The following OR9Q1 variants were observed in gnomAD, a reference collection of about 807,000 sequenced individuals.
OR9Q1 encodes olfactory receptor 9Q1.
For missense variants in OR9Q1, 374 were observed against 378.8 expected (o/e 0.99, Z 0.11); for synonymous variants, 153 against 148.6 (o/e 1.03, Z -0.22).
At chr11:58,115,629 T>C (rs1017054833) in intron 2 of OR9Q1, among the ~76,000 whole-genome samples, 2 of 152,136 alleles carry the variant, frequency 1.3e-5, no homozygotes, top group African/African-American at 4.8e-5. Flanking sequence ...TCCCACTATG[T>C]TGTTGCCAAG....
chr11:58,094,018 C>CA (rs1853708453), intron 2 of OR9Q1, among the ~76,000 whole-genome samples: 1 of 152,022 alleles, frequency 6.6e-6, no homozygotes, highest in African/African-American at 2.4e-5. Flanking sequence ...GCACTATTCA[C>CA]AAAAACAAAG....
intron 2 of OR9Q1, among the ~76,000 whole-genome samples, chr11:58,090,724 C>T (rs1311152658): frequency 6.6e-6 from 1 of 152,072 alleles, no homozygotes; most frequent in African/African-American, 2.4e-5. Context: ...ATGGTACCAG[C>T]TCCTTTTTGT....
intron 2 of OR9Q1, among the ~76,000 whole-genome samples, chr11:58,140,902 A>T (rs977943155): frequency 6.6e-6 from 1 of 152,190 alleles, no homozygotes; most frequent in Non-Finnish European, 1.5e-5. Flanking sequence ...CACGATACTG[A>T]TTCTTCTTAC....
Position 58,037,885 on chromosome 11 carries a change from AT to A in OR9Q1, c.-93+13789del, listed in dbSNP as rs1340580020. 1.3e-3 allele frequency among the ~76,000 whole-genome samples: 163 copies of A among 126,158 alleles called. 2 individuals carry two copies. The highest frequency in any genetic ancestry group is 4.4e-3 in the African/African-American group (144 of 32,602). The allele number at this position is 126,158 out of a possible 152,430, so 82.8% of individuals were successfully genotyped here. On this transcript the variant is annotated intron_variant, in intron 1 of 2. Transcript: ENST00000335397. ...AGGTGGCTGCCACCACGCCTGGCTA[AT>A]TTTTTTTGTTTTTTTTTTTTTTTTT...
chr11:58,036,222 C>CT lies in OR9Q1; in HGVS notation c.-93+12119dup, dbSNP rs555102805. On this transcript the variant is annotated intron_variant, in intron 1 of 2. Transcript: ENST00000335397. ...AAATATGTGTGTTCCGACTGCTTCA[C>CT]TGAGTAAACATTTTCCTGTCTCATG... is the stretch of plus-strand genomic sequence containing the variant. Among the ~76,000 whole-genome samples, 246 of 152,304 alleles carry CT rather than the reference C, an allele frequency of 1.6e-3. 2 individuals carry two copies. The highest frequency in any genetic ancestry group is 5.7e-3 in the African/African-American group (235 of 41,556).
chr11:58,093,298 G>A (rs974069338), intron 2 of OR9Q1, among the ~76,000 whole-genome samples: 71 of 152,000 alleles, frequency 4.7e-4, no homozygotes, highest in African/African-American at 1.7e-3. Context: ...GAATTTACAA[G>A]GGACTCAAAC....
At chr11:58,069,710 T>C (rs771033010) in intron 2 of OR9Q1, among the ~76,000 whole-genome samples, 51 of 151,596 alleles carry the variant, frequency 3.4e-4, no homozygotes, top group Admixed American at 1.2e-3. Context: ...CTTGTCTCTG[T>C]GAAAAACTAA....
intron 1 of OR9Q1, among the ~76,000 whole-genome samples, chr11:58,046,969 A>G (rs1251459604): frequency 1.3e-5 from 2 of 152,238 alleles, no homozygotes; most frequent in Non-Finnish European, 2.9e-5. Context: ...CTGCTTAAAA[A>G]AGCTCAGCAT....
At position 58,031,907 on chromosome 11, in the gene OR9Q1, G is replaced by A. The variant is rs190440902; in HGVS notation, c.-93+7803G>A. On this transcript the variant is annotated intron_variant, in intron 1 of 2. Coordinates refer to ENST00000335397, the MANE Select transcript of OR9Q1 (RefSeq NM_001005212.4). ...TCTCAACTTTTGGAAGGGACAGTGA[G>A]GAGGCAGGTGGGAACCCAGTTTCCT... is the stretch of plus-strand genomic sequence containing the variant. The A allele has an allele frequency of 1.3e-5, 21 of 1,574,036 alleles. No individual in the cohort carries two copies. In the Admixed American group the frequency reaches 2.9e-4, roughly 22 times the overall value.
intron 2 of OR9Q1, among the ~76,000 whole-genome samples, chr11:58,154,077 GAGAAGA>G (rs761983089): frequency 3.3e-5 from 5 of 151,346 alleles, no homozygotes; most frequent in South Asian, 2.1e-4. Context: ...GAGAGAGCGA[GAGAAGA>G]AGAAGAAGAA....
At chr11:58,173,758 A>G (rs1854578067) in intron 2 of OR9Q1, among the ~76,000 whole-genome samples, 1 of 152,208 alleles carries the variant, frequency 6.6e-6, no homozygotes, top group Admixed American at 6.5e-5. Context: ...CTGTGGACCC[A>G]CTGTTGCCAT....
At chr11:58,082,770 T>TAATAATAA (rs201952586) in intron 2 of OR9Q1, among the ~76,000 whole-genome samples, 1 of 95,988 alleles carries the variant, frequency 1.0e-5, no homozygotes, top group Non-Finnish European at 2.3e-5. Context: ...ATAATAATAA[T>TAATAATAA]AAAAAGTTAG....
At chr11:58,130,928 G>T (rs528380809) in intron 2 of OR9Q1, among the ~76,000 whole-genome samples, 184 of 152,128 alleles carry the variant, frequency 1.2e-3, no homozygotes, top group Middle Eastern at 6.8e-3. Flanking sequence ...TGTCTATAAA[G>T]GATGTAATTA....
At chr11:58,153,569 TC>T (rs1266754713) in intron 2 of OR9Q1, among the ~76,000 whole-genome samples, 20 of 150,758 alleles carry the variant, frequency 1.3e-4, no homozygotes, top group African/African-American at 4.9e-4. Context: ...TTTTTTTTTT[TC>T]CAAGAGAAAT....
intron 2 of OR9Q1, among the ~76,000 whole-genome samples, chr11:58,140,808 T>G (rs1461988709): frequency 1.3e-5 from 2 of 152,208 alleles, no homozygotes; most frequent in Non-Finnish European, 2.9e-5. Flanking sequence ...AAGTAGTTTT[T>G]TCCAATTCAG....
intron 1 of OR9Q1, among the ~76,000 whole-genome samples, chr11:58,028,275 G>A (rs967007707): frequency 6.6e-6 from 1 of 152,186 alleles, no homozygotes; most frequent in African/African-American, 2.4e-5. Flanking sequence ...CAGAGCAGGT[G>A]CCCTCTGCAT....
intron 2 of OR9Q1, among the ~76,000 whole-genome samples, chr11:58,097,676 G>A (rs1006318672): frequency 6.6e-6 from 1 of 152,180 alleles, no homozygotes; most frequent in African/African-American, 2.4e-5. Flanking sequence ...TAGCAGCCAT[G>A]TTTGTATCAG....
At chr11:58,083,453 A>C (rs536589758) in intron 2 of OR9Q1, among the ~76,000 whole-genome samples, 1 of 151,752 alleles carries the variant, frequency 6.6e-6, no homozygotes, top group African/African-American at 2.4e-5. Context: ...GCTGAGCAGA[A>C]GCTCTTTCAT....
chr11:58,178,644 A>G (rs1273485129), intron 2 of OR9Q1, among the ~76,000 whole-genome samples: 8 of 152,006 alleles, frequency 5.3e-5, no homozygotes, highest in Admixed American at 2.6e-4. Context: ...ATGTGTCAAC[A>G]CTTGGTGGAG....
Sources: gnomAD v4.1 joint callset for allele counts (sites outside exome capture counted in the v4.1 genomes callset) on GRCh38, gnomAD v4.1.1 for gene constraint, MANE v1.5 for transcripts, NCBI Gene and HGNC (gene_info 2026-07-23, HGNC 2026-07-21) for gene names.